VPS50: variants seen among roughly 807,000 people sequenced by gnomAD.
VPS50 encodes the protein syndetin.
VPS50 carries 70 observed loss-of-function variants against 139.7 expected under a neutral mutation model. The ratio of observed to expected loss-of-function variants is 0.50; its 90% CI spans 0.41 to 0.61. The LOEUF is 0.61. Among genes scored for constraint, VPS50 ranks in the 20% least tolerant of loss-of-function variants. The pLI, the probability that VPS50 is intolerant of heterozygous loss-of-function variation, is 0.00. For missense variants in VPS50, 921 were observed against 1,133.7 expected (o/e 0.81, Z 2.69); for synonymous variants, 365 against 376.7 (o/e 0.97, Z 0.36).
At chr7:93,301,218 A>G (rs778532517) in intron 16 of VPS50, among the ~76,000 whole-genome samples, 7 of 151,344 alleles carry the variant, frequency 4.6e-5, no homozygotes, top group Non-Finnish European at 8.8e-5. Context: ...AATTACATGA[A>G]CCTGTGCGGC....
At chr7:93,347,958 C>T (rs1798449807) in intron 23 of VPS50, among the ~76,000 whole-genome samples, 1 of 149,826 alleles carries the variant, frequency 6.7e-6, no homozygotes, top group African/African-American at 2.5e-5. Flanking sequence ...CACATGTACC[C>T]TAAAAAAGTA....
chr7:93,256,451 C>T, intron 4 of VPS50, 58 bp from the exon 5 acceptor site: 1 of 816,282 alleles, frequency 1.2e-6, no homozygotes, highest in Non-Finnish European at 1.9e-6. Flanking sequence ...TATAAAATAT[C>T]ATAGAAAGCA....
intron 20 of VPS50, among the ~76,000 whole-genome samples, chr7:93,312,620 AT>A (rs996927194): frequency 1.3e-5 from 2 of 151,786 alleles, no homozygotes; most frequent in Non-Finnish European, 2.9e-5. Context: ...AAGTTCGTGC[AT>A]TTTTTTCTTC....
chr7:93,294,625 C>T lies in VPS50; in HGVS notation c.1156C>T (p.Arg386Ter). The T allele has an allele frequency of 2.5e-6, 4 of 1,587,806 alleles. No homozygotes were observed. The highest frequency in any genetic ancestry group is 3.4e-6 in the Non-Finnish European group (4 of 1,169,546). The change falls in exon 14 of 28, where the codon CGA becomes TGA. Residue 386 changes from arginine to a stop codon, truncating the protein, a stop_gained. Transcript: ENST00000305866. LOFTEE classifies it high-confidence loss of function. ...IKKKLEHGLT[R>*]IWQDVQLKVK... ...AAAGAAATTAGAACATGGACTTACA[C>T]GAATATGGCAGGTTTGGTTTTTTTA...
intron 27 of VPS50, among the ~76,000 whole-genome samples, chr7:93,357,220 C>A (rs534009641): frequency 2.0e-5 from 3 of 152,126 alleles, no homozygotes; most frequent in Non-Finnish European, 4.4e-5. Context: ...TACAAAGTAG[C>A]CAAGGAGGAA....
chr7:93,326,733 T>C (rs1337404502), intron 21 of VPS50, among the ~76,000 whole-genome samples: 1 of 152,054 alleles, frequency 6.6e-6, no homozygotes, highest in African/African-American at 2.4e-5. Flanking sequence ...GACAGTTTTC[T>C]GTGTAAAAAC....
At chr7:93,255,740 G>A (rs1452717028) in intron 4 of VPS50, among the ~76,000 whole-genome samples, 1 of 152,202 alleles carries the variant, frequency 6.6e-6, no homozygotes, top group Non-Finnish European at 1.5e-5. Context: ...TTAAGAAAAT[G>A]TGAAAGGATT....
intron 9 of VPS50, among the ~76,000 whole-genome samples, chr7:93,260,062 T>C (rs1257108338): frequency 6.6e-6 from 1 of 152,198 alleles, no homozygotes; most frequent in African/African-American, 2.4e-5. Context: ...AAAAGTCTTT[T>C]GGAAAATTTA....
chr7:93,255,645 C>G (rs1037916930), intron 4 of VPS50, among the ~76,000 whole-genome samples: 3 of 152,138 alleles, frequency 2.0e-5, no homozygotes, highest in African/African-American at 7.2e-5. Flanking sequence ...ATTTTCTTAA[C>G]CTTAATGGAA....
intron 19 of VPS50, among the ~76,000 whole-genome samples, chr7:93,309,779 A>T (rs1033406445): frequency 1.3e-5 from 2 of 151,990 alleles, no homozygotes; most frequent in African/African-American, 4.8e-5. Context: ...TGATTCTGGA[A>T]TGTTAAAATG....
intron 9 of VPS50, among the ~76,000 whole-genome samples, chr7:93,266,811 G>A (rs1261240332): frequency 6.6e-6 from 1 of 152,154 alleles, no homozygotes; most frequent in Non-Finnish European, 1.5e-5. Context: ...TTTAAAAGCT[G>A]TACAGTTAAT....
intron 2 of VPS50, among the ~76,000 whole-genome samples, chr7:93,244,883 A>G (rs1478032614): frequency 6.6e-6 from 1 of 151,884 alleles, no homozygotes; most frequent in African/African-American, 2.4e-5. Flanking sequence ...CTTTTTAACC[A>G]TTAATGAAAT....
At chr7:93,309,361 C>T (rs1288787072) in intron 19 of VPS50, among the ~76,000 whole-genome samples, 1 of 151,848 alleles carries the variant, frequency 6.6e-6, no homozygotes, top group East Asian at 1.9e-4. Flanking sequence ...ATTCTAGTTC[C>T]TTTTTTATGG....
intron 20 of VPS50, among the ~76,000 whole-genome samples, chr7:93,322,264 T>C (rs1797635639): frequency 6.6e-6 from 1 of 152,230 alleles, no homozygotes; most frequent in Admixed American, 6.5e-5. Flanking sequence ...TTGTCATTTC[T>C]TGTACTGCAG....
At chr7:93,232,742 A>G (rs578130029) in intron 1 of VPS50, among the ~76,000 whole-genome samples, 1 of 152,278 alleles carries the variant, frequency 6.6e-6, no homozygotes, top group South Asian at 2.1e-4. Flanking sequence ...TGAAGGAATC[A>G]GGGTATCTTT....
intron 26 of VPS50, among the ~76,000 whole-genome samples, chr7:93,354,888 TTG>T (rs1323944370): frequency 6.6e-6 from 1 of 152,116 alleles, no homozygotes; most frequent in Non-Finnish European, 1.5e-5. Flanking sequence ...ACACTATCAT[TTG>T]TCTGATTTTT....
At chr7:93,317,454 G>A (rs1797462712) in intron 20 of VPS50, among the ~76,000 whole-genome samples, 1 of 152,154 alleles carries the variant, frequency 6.6e-6, no homozygotes, top group Non-Finnish European at 1.5e-5. Flanking sequence ...GGAGGCTGAG[G>A]CATGAGAACC....
intron 25 of VPS50, among the ~76,000 whole-genome samples, chr7:93,351,798 T>C (rs1274479672): frequency 1.3e-5 from 2 of 152,166 alleles, no homozygotes; most frequent in Non-Finnish European, 2.9e-5. Flanking sequence ...ATGATCCTTA[T>C]AGGGTGCAAG....
intron 22 of VPS50, among the ~76,000 whole-genome samples, chr7:93,335,923 A>C (rs1251562516): frequency 1.3e-5 from 2 of 152,206 alleles, no homozygotes; most frequent in Non-Finnish European, 2.9e-5. Context: ...ATAGTGTATA[A>C]TGAATTATTA....
Sources: allele counts gnomAD v4.1 joint callset (sites outside exome capture counted in the v4.1 genomes callset), GRCh38; gene constraint gnomAD v4.1.1; transcripts MANE v1.5; gene names NCBI Gene and HGNC (gene_info 2026-07-23, HGNC 2026-07-21).